TYW1B: variants seen among roughly 807,000 people sequenced by gnomAD.
The protein encoded by TYW1B is tRNA-yW synthesizing protein 1 homolog B.
A neutral mutation model predicts 86.9 loss-of-function variants in TYW1B; 73 were observed. That is an observed-to-expected ratio of 0.84 (90% CI 0.70 to 1.02). The LOEUF (loss-of-function observed/expected upper bound fraction) is 1.02. Ranked by LOEUF, TYW1B falls within the 50% of genes least tolerant of loss-of-function variation. The pLI, the probability that TYW1B is intolerant of heterozygous loss-of-function variation, is 0.00. For synonymous variants in TYW1B, 248 were observed against 292.8 expected (o/e 0.85, Z 1.56); for missense variants, 637 against 827.4 (o/e 0.77, Z 2.82).
intron 13 of TYW1B, among the ~76,000 whole-genome samples, chr7:72,612,613 A>C (rs1811960950): frequency 6.6e-6 from 1 of 152,188 alleles, no homozygotes; most frequent in Middle Eastern, 3.2e-3. Context: ...CTAACGAGGG[A>C]GATGTGGACA....
chr7:72,800,246 G>A (rs186930371), intron 6 of TYW1B, among the ~76,000 whole-genome samples: 6 of 150,954 alleles, frequency 4.0e-5, no homozygotes, highest in Non-Finnish European at 7.4e-5. Context: ...CATGCAGGCC[G>A]GGGTGCCGTG....
intron 13 of TYW1B, among the ~76,000 whole-genome samples, chr7:72,613,742 C>G (rs1554436384): frequency 2.0e-5 from 3 of 151,926 alleles, no homozygotes. Context: ...AGCTGGCTGA[C>G]TCCTATAGAG....
At chr7:72,578,089 G>A (rs1337499215) in intron 13 of TYW1B, among the ~76,000 whole-genome samples, 2 of 151,004 alleles carry the variant, frequency 1.3e-5, no homozygotes, top group Non-Finnish European at 2.9e-5. Context: ...CAGGACATGC[G>A]AGGGCCCAGC....
intron 12 of TYW1B, among the ~76,000 whole-genome samples, chr7:72,619,647 CAAAAAAAAA>C (rs34309451): frequency 4.4e-5 from 3 of 68,766 alleles, no homozygotes; most frequent in African/African-American, 1.7e-4. Flanking sequence ...GACTCCGTCT[CAAAAAAAAA>C]AAAAAAAAAA....
intron 12 of TYW1B, among the ~76,000 whole-genome samples, chr7:72,620,849 G>T (rs1482724310): frequency 6.6e-6 from 1 of 152,188 alleles, no homozygotes; most frequent in East Asian, 1.9e-4. Flanking sequence ...GTACAGCGTG[G>T]TGATGGAAAA....
chr7:72,785,870 C>A (rs1240453381), intron 6 of TYW1B, among the ~76,000 whole-genome samples: 1 of 151,942 alleles, frequency 6.6e-6, no homozygotes, highest in Non-Finnish European at 1.5e-5. Flanking sequence ...CCCAGCACTT[C>A]GGGAGGCTGA....
At chr7:72,632,447 TA>T (rs1563038960) in intron 11 of TYW1B, among the ~76,000 whole-genome samples, 1 of 91,730 alleles carries the variant, frequency 1.1e-5, no homozygotes, top group Non-Finnish European at 2.1e-5. Context: ...CGTATATATA[TA>T]AAATATATAT....
At chr7:72,770,073 G>GAAAA (rs58212815) in intron 7 of TYW1B, among the ~76,000 whole-genome samples, 1 of 121,492 alleles carries the variant, frequency 8.2e-6, no homozygotes. Context: ...ACTCTGTCTC[G>GAAAA]AAAAAAAAAA....
At chr7:72,797,902 A>G (rs1788332556) in intron 6 of TYW1B, among the ~76,000 whole-genome samples, 1 of 152,072 alleles carries the variant, frequency 6.6e-6, no homozygotes, top group African/African-American at 2.4e-5. Context: ...TGGGTAGGAC[A>G]TATCAGAATT....
intron 11 of TYW1B, among the ~76,000 whole-genome samples, chr7:72,635,652 T>C (rs1554440649): frequency 6.6e-6 from 1 of 152,238 alleles, no homozygotes; most frequent in African/African-American, 2.4e-5. Context: ...TGCATATCCA[T>C]GTACATTTTA....
At chr7:72,733,159 A>AAC (rs145935571) in intron 8 of TYW1B, among the ~76,000 whole-genome samples, 6,676 of 147,044 alleles carry the variant, frequency 0.045, 167 homozygotes, top group African/African-American at 0.071. Flanking sequence ...CCAAACCTAA[A>AAC]ACACACACAC....
At chr7:72,614,729 T>C (rs529555558) in intron 13 of TYW1B, among the ~76,000 whole-genome samples, 72 of 152,022 alleles carry the variant, frequency 4.7e-4, no homozygotes, top group Admixed American at 9.8e-4. Context: ...GTCTGTCACA[T>C]ACTAAGCATT....
At chr7:72,625,075 A>AT (rs1323917155) in intron 12 of TYW1B, among the ~76,000 whole-genome samples, 1 of 145,502 alleles carries the variant, frequency 6.9e-6, no homozygotes, top group Non-Finnish European at 1.5e-5. Context: ...AAAAAAAAAA[A>AT]TTTAATTGTG....
intron 13 of TYW1B, among the ~76,000 whole-genome samples, chr7:72,606,474 A>C (rs1192133736): frequency 2.0e-5 from 3 of 151,980 alleles, no homozygotes; most frequent in African/African-American, 7.3e-5. Context: ...GTAATGTCAT[A>C]CAGACTACAC....
At chr7:72,768,317 C>A (rs1181656740) in intron 7 of TYW1B, among the ~76,000 whole-genome samples, 9 of 152,060 alleles carry the variant, frequency 5.9e-5, no homozygotes, top group Non-Finnish European at 8.8e-5. Context: ...CAACTCTGTC[C>A]GCCCCCTCGG....
At chr7:72,821,642 C>T (rs1464862657) in intron 2 of TYW1B, among the ~76,000 whole-genome samples, 15 of 152,262 alleles carry the variant, frequency 9.9e-5, no homozygotes, top group African/African-American at 2.6e-4. Context: ...AGGGGAGTAG[C>T]AGTGAAGGTG....
intron 10 of TYW1B, among the ~76,000 whole-genome samples, chr7:72,705,944 A>G (rs1313565562): frequency 6.6e-6 from 1 of 152,214 alleles, no homozygotes; most frequent in African/African-American, 2.4e-5. Context: ...CATCGCAGCA[A>G]TAACATCAGC....
At chr7:72,665,967 G>A (rs1813452489) in intron 11 of TYW1B, among the ~76,000 whole-genome samples, 1 of 152,112 alleles carries the variant, frequency 6.6e-6, no homozygotes, top group Non-Finnish European at 1.5e-5. Context: ...CTGGAGGAAG[G>A]CAATCTATCA....
chr7:72,781,596 T>C (rs1554471651), intron 6 of TYW1B, among the ~76,000 whole-genome samples: 1 of 152,190 alleles, frequency 6.6e-6, no homozygotes, highest in Non-Finnish European at 1.5e-5. Flanking sequence ...GTGAGCCCAC[T>C]GCCCAGTAAA....
Sources: allele counts gnomAD v4.1 joint callset (sites outside exome capture counted in the v4.1 genomes callset), GRCh38; gene constraint gnomAD v4.1.1; transcripts MANE v1.5; gene names NCBI Gene and HGNC (gene_info 2026-07-23, HGNC 2026-07-21).